The following ZFAT variants were observed in gnomAD, a reference collection of about 807,000 sequenced individuals.
The protein encoded by ZFAT is zinc finger and AT-hook domain containing, also known as zinc finger protein ZFAT.
In ZFAT, 64 loss-of-function variants were observed where a neutral mutation model predicts 117.7. The observed-to-expected ratio is 0.54, with a 90% confidence interval of 0.44 to 0.67. The LOEUF (loss-of-function observed/expected upper bound fraction) is 0.67, where lower values mean the gene tolerates loss of function less well. Ranked by LOEUF, ZFAT falls within the 30% of genes least tolerant of loss-of-function variation. The pLI, the probability that ZFAT is intolerant of heterozygous loss-of-function variation, is 0.00. For missense variants in ZFAT, 1,433 were observed against 1,584.5 expected (o/e 0.90, Z 1.62); for synonymous variants, 679 against 615.0 (o/e 1.10, Z -1.54).
intron 2 of ZFAT, among the ~76,000 whole-genome samples, chr8:134,653,370 G>A (rs1383796769): frequency 7.0e-6 from 1 of 143,202 alleles, no homozygotes; most frequent in Non-Finnish European, 1.5e-5. Context: ...TCAACATCCT[G>A]GCTCAGCCTC....
the ZFAT span, among the ~76,000 whole-genome samples, chr8:134,759,509 C>T: frequency 2.0e-5 from 3 of 151,664 alleles, no homozygotes; most frequent in Non-Finnish European, 4.4e-5. Context: ...TAGTTTATAG[C>T]AAATCAAACC....
chr8:134,502,954 G>A (rs1819105555), intron 15 of ZFAT, among the ~76,000 whole-genome samples: 2 of 152,200 alleles, frequency 1.3e-5, no homozygotes, highest in Non-Finnish European at 1.5e-5. Flanking sequence ...GGCAACCCCA[G>A]GAGGCACTAA....
chr8:134,569,657 T>C (rs1824734359), intron 10 of ZFAT, among the ~76,000 whole-genome samples: 1 of 152,088 alleles, frequency 6.6e-6, no homozygotes, highest in African/African-American at 2.4e-5. Flanking sequence ...GCTGTGAGGA[T>C]GGGCTCAGGG....
At chr8:134,733,092 T>C in the ZFAT span, among the ~76,000 whole-genome samples, 1 of 152,212 alleles carries the variant, frequency 6.6e-6, no homozygotes, top group African/African-American at 2.4e-5. Flanking sequence ...CTCTATACTT[T>C]ACACTCAATT....
chr8:134,539,137 A>T (rs188939122), intron 11 of ZFAT, among the ~76,000 whole-genome samples: 274 of 152,348 alleles, frequency 1.8e-3, no homozygotes, highest in Middle Eastern at 0.01. Context: ...AGACATCTAA[A>T]AACCTCTAAC....
At chr8:134,600,149 C>T (rs868386388) in intron 7 of ZFAT, 3 of 457,976 alleles carry the variant, frequency 6.6e-6, no homozygotes, top group African/African-American at 5.9e-5. Flanking sequence ...GAAATTCTGA[C>T]TTTACTTCTA....
intron 15 of ZFAT, among the ~76,000 whole-genome samples, chr8:134,488,658 C>T (rs1223814874): frequency 1.3e-5 from 2 of 152,060 alleles, no homozygotes; most frequent in Non-Finnish European, 2.9e-5. Flanking sequence ...GAAACAGAAC[C>T]ATGAGGCCAG....
At chr8:134,678,147 G>A (rs1832894314) in intron 1 of ZFAT, among the ~76,000 whole-genome samples, 1 of 152,148 alleles carries the variant, frequency 6.6e-6, no homozygotes, top group Non-Finnish European at 1.5e-5. Context: ...AGGAAAAGAG[G>A]AAGTCAAATT....
At chr8:134,505,946 T>G (rs949945206) in intron 15 of ZFAT, among the ~76,000 whole-genome samples, 1 of 152,206 alleles carries the variant, frequency 6.6e-6, no homozygotes, top group Non-Finnish European at 1.5e-5. Context: ...GCCTGCTAAA[T>G]GAGTGCCCGT....
At chr8:134,817,892 T>A in the ZFAT span, among the ~76,000 whole-genome samples, 1 of 152,182 alleles carries the variant, frequency 6.6e-6, no homozygotes, top group Non-Finnish European at 1.5e-5. Context: ...GTCAACTGAT[T>A]ATTCACAGGG....
chr8:134,534,900 A>G (rs1306304988), intron 11 of ZFAT, among the ~76,000 whole-genome samples: 1 of 152,114 alleles, frequency 6.6e-6, no homozygotes, highest in African/African-American at 2.4e-5. Context: ...CTGCTGCAAG[A>G]GCAGTTCCCC....
chr8:134,520,221 G>A (rs1820551415), intron 13 of ZFAT, among the ~76,000 whole-genome samples: 1 of 152,170 alleles, frequency 6.6e-6, no homozygotes, highest in Admixed American at 6.5e-5. Flanking sequence ...TTAGTGGGAA[G>A]AGGCCAGAAA....
intron 14 of ZFAT, chr8:134,511,184 G>C (rs1403046563): frequency 6.6e-6 from 1 of 152,422 alleles, no homozygotes; most frequent in East Asian, 1.9e-4. Flanking sequence ...TTAAGAGCTA[G>C]GAAGAGACAT....
chr8:134,667,696 G>A (rs545976681), intron 1 of ZFAT, among the ~76,000 whole-genome samples: 192 of 152,092 alleles, frequency 1.3e-3, no homozygotes, highest in Non-Finnish European at 1.9e-3. Context: ...CACAGAAGAC[G>A]ACTGATTTAT....
chr8:134,561,184 G>T (rs1214320000), intron 11 of ZFAT, among the ~76,000 whole-genome samples: 1 of 152,198 alleles, frequency 6.6e-6, no homozygotes, highest in Non-Finnish European at 1.5e-5. Context: ...ATTGTGAAAG[G>T]AATGGTTACA....
chr8:134,610,201 C>T lies in ZFAT; in HGVS notation c.634+269G>A, dbSNP rs1643435186. On this transcript the variant is annotated intron_variant, in intron 4 of 15. Coordinates refer to ENST00000377838, the MANE Select transcript of ZFAT (RefSeq NM_020863.4). Reference sequence around the variant, plus strand: ...GAAGAAAACTAACTGCTCCCGGAACCACTACTCCAGCAGGAGCAGCACGGC... The same window carrying T: ...GAAGAAAACTAACTGCTCCCGGAACTACTACTCCAGCAGGAGCAGCACGGC... Among the ~76,000 whole-genome samples the T allele has an allele frequency of 5.3e-5, 8 of 152,328 alleles. No individual in the cohort carries two copies. The South Asian group carries it at 1.7e-3, about 32-fold the overall frequency.
chr8:134,698,199 G>C (rs755626001), intron 1 of ZFAT, among the ~76,000 whole-genome samples: 3 of 151,962 alleles, frequency 2.0e-5, no homozygotes, highest in Non-Finnish European at 2.9e-5. Context: ...GGTGGCAGAT[G>C]CCTGTAGTCC....
rs186183789 is a variant in ZFAT, at chr8:134,650,274, C to T, written c.196+7287G>A. On this transcript the variant is annotated intron_variant, in intron 2 of 15. Coordinates refer to ENST00000377838, the MANE Select transcript of ZFAT (RefSeq NM_020863.4). ...CCGAGAAGCTGGGACTACAGGCCCA[C>T]GTGCCACCACACCCAGCTAATTTTT... Among the ~76,000 whole-genome samples, 1,049 of 151,704 alleles carry T rather than the reference C, an allele frequency of 6.9e-3. 7 individuals are homozygous for T. The highest frequency in any genetic ancestry group is 0.012 in the Admixed American group (186 of 15,230).
intron 10 of ZFAT, among the ~76,000 whole-genome samples, chr8:134,568,158 AAAAGGAAAC>A (rs1368382222): frequency 1.3e-5 from 2 of 152,252 alleles, no homozygotes; most frequent in Admixed American, 1.3e-4. Context: ...TAACAGCAGC[AAAAGGAAAC>A]AAATATTAAT....
Sources: allele counts gnomAD v4.1 joint callset (sites outside exome capture counted in the v4.1 genomes callset), GRCh38; gene constraint gnomAD v4.1.1; transcripts MANE v1.5; gene names NCBI Gene and HGNC (gene_info 2026-07-23, HGNC 2026-07-21).